The following HMGB1 variants were observed in gnomAD, a reference collection of about 807,000 sequenced individuals.
HMGB1 encodes high mobility group protein B1.
For missense variants in HMGB1, 79 were observed against 253.5 expected (o/e 0.31, Z 4.67); for synonymous variants, 81 against 84.0 (o/e 0.96, Z 0.19).
At chr13:30,468,806 T>C (rs915206695), upstream of HMGB1, among the ~76,000 whole-genome samples, 3 of 152,212 alleles carry the variant, frequency 2.0e-5, no homozygotes, top group Non-Finnish European at 4.4e-5. Context: ...TGATGTTCCT[T>C]TATGATATTA....
chr13:30,519,521 C>CA (rs1436481359), intron 1 of HMGB1, among the ~76,000 whole-genome samples: 2 of 144,204 alleles, frequency 1.4e-5, no homozygotes, highest in African/African-American at 5.1e-5. Flanking sequence ...CAGTGAAACC[C>CA]TGTCTCTACT....
At chr13:30,514,848 C>T (rs1202605657) in intron 1 of HMGB1, among the ~76,000 whole-genome samples, 2 of 152,102 alleles carry the variant, frequency 1.3e-5, no homozygotes, top group Non-Finnish European at 2.9e-5. Flanking sequence ...ATGTGTATTA[C>T]ACTTTGTGGT....
At chr13:30,476,773 C>T (rs964685725) in intron 1 of HMGB1, among the ~76,000 whole-genome samples, 7 of 149,348 alleles carry the variant, frequency 4.7e-5, no homozygotes, top group Admixed American at 3.4e-4. Context: ...GGTTGAGGCA[C>T]GAGAATCACT....
intron 1 of HMGB1, among the ~76,000 whole-genome samples, chr13:30,570,692 T>C (rs1456377539): frequency 3.3e-5 from 5 of 152,190 alleles, no homozygotes; most frequent in African/African-American, 1.2e-4. Context: ...AATAAAAGCG[T>C]AATGTTGGTT....
chr13:30,506,242 G>A (rs955067078), intron 1 of HMGB1, among the ~76,000 whole-genome samples: 1 of 152,156 alleles, frequency 6.6e-6, no homozygotes, highest in African/African-American at 2.4e-5. Context: ...GTGGGCAGGG[G>A]TGGCGTCTTG....
At chr13:30,473,208 C>CG (rs1215802398) in intron 1 of HMGB1, among the ~76,000 whole-genome samples, 2 of 152,012 alleles carry the variant, frequency 1.3e-5, no homozygotes, top group African/African-American at 4.8e-5. Flanking sequence ...CCGAGTTTTC[C>CG]GGGGGGAAAT....
chr13:30,465,934 A>G lies in HMGB1; in HGVS notation c.-153T>C. The G allele has an allele frequency of 1.0e-6, 1 of 985,862 alleles. No individual in the cohort carries two copies. The highest frequency in any genetic ancestry group is 1.2e-6 in the Non-Finnish European group (1 of 830,090). 61.1% of individuals were successfully genotyped at this position (985,862 alleles called of 1,614,324 possible). On this transcript the variant is annotated 5_prime_UTR_variant, in exon 1 of 5. An upstream start codon of the reference 5' UTR is lost. Coordinates refer to ENST00000341423, the MANE Select transcript of HMGB1 (RefSeq NM_002128.7). ...CTCCTCACTCTCTCCGCTCTGTAAC[A>G]TTACTCTCCAGCCAGCGCGGCTCCT...
At chr13:30,546,852 T>C (rs542675630) in intron 1 of HMGB1, among the ~76,000 whole-genome samples, 45 of 152,364 alleles carry the variant, frequency 3.0e-4, no homozygotes, top group Non-Finnish European at 6.0e-4. Flanking sequence ...TGAATCCACC[T>C]TTAGGGGTAC....
chr13:30,512,822 T>C (rs541031297), intron 1 of HMGB1, among the ~76,000 whole-genome samples: 1 of 152,318 alleles, frequency 6.6e-6, no homozygotes, highest in South Asian at 2.1e-4. Flanking sequence ...ATGCACCTTT[T>C]GAGCCAGTCT....
intron 1 of HMGB1, among the ~76,000 whole-genome samples, chr13:30,566,138 T>C (rs1405154751): frequency 1.3e-5 from 2 of 152,198 alleles, no homozygotes; most frequent in Admixed American, 1.3e-4. Flanking sequence ...GAAGCTTGGC[T>C]GCTACTAAGT....
intron 1 of HMGB1, among the ~76,000 whole-genome samples, chr13:30,528,169 G>A (rs577170969): frequency 6.6e-6 from 1 of 152,198 alleles, no homozygotes; most frequent in African/African-American, 2.4e-5. Flanking sequence ...TGTTTTCTAC[G>A]TACAGGTTTT....
chr13:30,579,674 T>A (rs1370782835), intron 1 of HMGB1, among the ~76,000 whole-genome samples: 3 of 152,122 alleles, frequency 2.0e-5, no homozygotes, highest in Non-Finnish European at 2.9e-5. Context: ...CCTCACAGAG[T>A]ATTGTGAGGA....
At chr13:30,504,457 C>T (rs1442578213) in intron 1 of HMGB1, among the ~76,000 whole-genome samples, 1 of 152,148 alleles carries the variant, frequency 6.6e-6, no homozygotes, top group Non-Finnish European at 1.5e-5. Flanking sequence ...TTCCCCCCAA[C>T]AGTTCTCTGG....
chr13:30,469,868 A>G (rs1038128260), upstream of HMGB1, among the ~76,000 whole-genome samples: 2 of 152,178 alleles, frequency 1.3e-5, no homozygotes, highest in Non-Finnish European at 2.9e-5. Flanking sequence ...TGACCTTGTG[A>G]TCCGCCCGCC....
At chr13:30,464,172 A>G in intron 1 of HMGB1, 1 of 984,578 alleles carries the variant, frequency 1.0e-6, no homozygotes, top group Non-Finnish European at 1.2e-6. Context: ...GTGCACCGAA[A>G]GTTTCAAAAA....
At chr13:30,586,754 G>C (rs958347988) in intron 1 of HMGB1, among the ~76,000 whole-genome samples, 33 of 151,998 alleles carry the variant, frequency 2.2e-4, no homozygotes, top group African/African-American at 7.2e-4. Flanking sequence ...CAAAGGTTGG[G>C]AAAAGATATC....
intron 1 of HMGB1, among the ~76,000 whole-genome samples, chr13:30,482,248 C>T (rs554364028): frequency 1.3e-5 from 2 of 152,306 alleles, no homozygotes; most frequent in East Asian, 1.9e-4. Context: ...CCGTGTCCCT[C>T]CTCCTCTCCC....
At chr13:30,550,435 C>T (rs1279808831) in intron 1 of HMGB1, among the ~76,000 whole-genome samples, 1 of 152,200 alleles carries the variant, frequency 6.6e-6, no homozygotes, top group African/African-American at 2.4e-5. Context: ...AGTACATATC[C>T]TCCCTGACAT....
At chr13:30,553,896 A>G in intron 1 of HMGB1, 3 of 1,369,182 alleles carry the variant, frequency 2.2e-6, no homozygotes, top group Non-Finnish European at 2.1e-6. Context: ...CTTAGTTGAC[A>G]TAGAAGAGGC....
Sources: allele counts gnomAD v4.1 joint callset (sites outside exome capture counted in the v4.1 genomes callset), GRCh38; gene constraint gnomAD v4.1.1; transcripts MANE v1.5; gene names NCBI Gene and HGNC (gene_info 2026-07-23, HGNC 2026-07-21).